Variants in KPNA5 observed in about 807,000 individuals in gnomAD.
KPNA5 encodes the protein importin subunit alpha-6.
KPNA5 carries 46 observed loss-of-function variants against 71.3 expected under a neutral mutation model. That is an observed-to-expected ratio of 0.65 (90% confidence interval 0.51 to 0.83). The LOEUF (loss-of-function observed/expected upper bound fraction) is 0.83, where lower values mean the gene tolerates loss of function less well. Among genes scored for constraint, KPNA5 ranks in the 40% least tolerant of loss-of-function variants. The pLI is 0.00. For synonymous variants in KPNA5, 207 were observed against 201.4 expected (o/e 1.03, Z -0.24); for missense variants, 547 against 628.3 (o/e 0.87, Z 1.38).
chr6:116,691,417 C>T (rs1777796435), intron 2 of KPNA5, among the ~76,000 whole-genome samples: 1 of 151,952 alleles, frequency 6.6e-6, no homozygotes, highest in Admixed American at 6.6e-5. Flanking sequence ...CCATGCTTGG[C>T]TTCTTATTTT....
intron 7 of KPNA5, among the ~76,000 whole-genome samples, chr6:116,705,636 A>G (rs1778411798): frequency 6.6e-6 from 1 of 152,164 alleles, no homozygotes; most frequent in Admixed American, 6.5e-5. Flanking sequence ...TTTTTAAAAA[A>G]GAAATTACCC....
rs1562430356 is a variant in KPNA5, at chr6:116,692,297, A to G, written c.245A>G (p.Glu82Gly). ...ATTTTTGTGTGTGTGTTTTAGGAAG[A>G]AGTTGTTACTACAGATATGGTTCAG... ...ISSTVPIPEEEVVTTDMVQMI... is the reference protein window; with the variant it reads ...ISSTVPIPEEGVVTTDMVQMI... Residue 82 changes from glutamate to glycine, a missense_variant, in exon 4 of 14, where the codon GAA becomes GGA. Glu to Gly is a moderately conservative substitution (Grantham distance 98). Transcript: ENST00000368564. 2.5e-6 allele frequency: 4 copies of G among 1,578,042 alleles called. No individual in the cohort carries two copies. The highest frequency in any genetic ancestry group is 2.6e-6 in the Non-Finnish European group (3 of 1,158,000).
chr6:116,711,536 A>ATGTG (rs1491586756), intron 7 of KPNA5, among the ~76,000 whole-genome samples: 5 of 105,952 alleles, frequency 4.7e-5, no homozygotes, highest in African/African-American at 1.4e-4. Context: ...TATTTTCTGC[A>ATGTG]TATGTGTGTG....
At chr6:116,731,768 C>T (rs935761186) in intron 13 of KPNA5, among the ~76,000 whole-genome samples, 11 of 151,734 alleles carry the variant, frequency 7.2e-5, no homozygotes, top group African/African-American at 2.7e-4. Flanking sequence ...TTGTTAATTA[C>T]TCTAGAAAGG....
chr6:116,716,550 A>G (rs1778895650), intron 8 of KPNA5, among the ~76,000 whole-genome samples: 1 of 152,222 alleles, frequency 6.6e-6, no homozygotes, highest in Admixed American at 6.5e-5. Context: ...CTGCAACCAC[A>G]TGTATCAAGG....
At chr6:116,725,250 A>T (rs1329010585) in intron 10 of KPNA5, among the ~76,000 whole-genome samples, 4 of 152,218 alleles carry the variant, frequency 2.6e-5, no homozygotes. Flanking sequence ...TTAATCTTGC[A>T]ATGGAATAAA....
intron 8 of KPNA5, among the ~76,000 whole-genome samples, chr6:116,719,343 C>T (rs1056418610): frequency 9.9e-5 from 15 of 151,932 alleles, no homozygotes; most frequent in African/African-American, 4.8e-5. Flanking sequence ...GAACAAATTT[C>T]GGAAGAAACT....
chr6:116,718,668 T>C lies in KPNA5; in HGVS notation c.756+2350T>C, dbSNP rs541854935. Among the ~76,000 whole-genome samples the C allele has an allele frequency of 1.1e-3, 165 of 152,322 alleles. 1 individual carries two copies. Among genetic ancestry groups the C allele is most frequent in the African/African-American group, 3.6e-3 (148 of 41,578 alleles). Reference sequence around the variant, plus strand: ...TGTGTTCCAAACTTATGAAATAATATCACATTTTGGGGCTTAAGACTTGTT... The same window carrying C: ...TGTGTTCCAAACTTATGAAATAATACCACATTTTGGGGCTTAAGACTTGTT... On this transcript the variant is annotated intron_variant, in intron 8 of 13. Coordinates refer to ENST00000368564, the MANE Select transcript of KPNA5 (RefSeq NM_001366306.2).
chr6:116,695,177 C>T (rs1052242218), intron 4 of KPNA5, among the ~76,000 whole-genome samples: 2 of 152,032 alleles, frequency 1.3e-5, no homozygotes, highest in African/African-American at 2.4e-5. Flanking sequence ...TCTCCTCCCA[C>T]GTTTGCCTGC....
At chr6:116,686,557 G>T (rs1777597334) in intron 1 of KPNA5, among the ~76,000 whole-genome samples, 2 of 152,236 alleles carry the variant, frequency 1.3e-5, no homozygotes, top group South Asian at 4.1e-4. Context: ...AGTTTAATTA[G>T]ATCCCATTTG....
chr6:116,725,693 A>AT, intron 10 of KPNA5, 58 bp from the exon 11 acceptor site: 2 of 1,408,058 alleles, frequency 1.4e-6, no homozygotes, highest in South Asian at 2.7e-5. Flanking sequence ...TCATTAGTAG[A>AT]TTTTCATATA....
Position 116,692,162 on chromosome 6 carries a change from C to T in KPNA5, c.240+6C>T. The T allele has an allele frequency of 6.4e-7, 1 of 1,571,242 alleles. No individual in the cohort carries two copies. Among genetic ancestry groups the T allele is most frequent in the Non-Finnish European group, 8.7e-7 (1 of 1,146,784 alleles). On this transcript the variant is annotated splice_donor_region_variant and intron_variant, in intron 3 of 13. Coordinates refer to ENST00000368564, the MANE Select transcript of KPNA5 (RefSeq NM_001366306.2). ...CCACTGTACCCATTCCAGAGGTATA[C>T]TTTACCAAAATATGTTTCAAATTAT...
chr6:116,716,364 A>G, intron 8 of KPNA5, 46 bp downstream of exon 8: 1 of 1,283,726 alleles, frequency 7.8e-7, no homozygotes, highest in Non-Finnish European at 1.1e-6. Context: ...CCATAAACCT[A>G]AGTTTCTATA....
rs1156651188 is a variant in KPNA5, at chr6:116,702,190, A to C, written c.567+40A>C. The C allele has an allele frequency of 2.5e-6, 4 of 1,583,256 alleles. No individual in the cohort carries two copies. In the African/African-American group the frequency reaches 4.1e-5, roughly 16 times the overall value. ...TGTATTGTTGTATGTACTAGAATTCAGTTTTCTCTTGAAAGTACCATTTGT... is the reference window on the plus strand; with the variant it reads ...TGTATTGTTGTATGTACTAGAATTCCGTTTTCTCTTGAAAGTACCATTTGT... On this transcript the variant is annotated intron_variant, in intron 6 of 13. Transcript: ENST00000368564.
Position 116,722,175 on chromosome 6 carries a change from C to T in KPNA5, c.806C>T (p.Pro269Leu). Residue 269 changes from proline to leucine, a missense_variant, in exon 9 of 14, where the codon CCA (proline) becomes CTA (leucine). Transcript: ENST00000368564. ...TCACGACTGTTGTTTAGCAGTGACC[C>T]AGATGTGTTAGCAGACGTGTGTTGG... The part of the protein sequence containing the change: ...VLSRLLFSSD[P>L]DVLADVCWAL... 3 of 1,612,278 alleles carry T rather than the reference C, an allele frequency of 1.9e-6. No homozygotes were observed. Among genetic ancestry groups the T allele is most frequent in the Non-Finnish European group, 1.7e-6 (2 of 1,178,896 alleles).
At position 116,732,397 on chromosome 6, in the gene KPNA5, A is replaced by G; in HGVS notation, c.*74A>G. ...ACTCCTCTTTGTTGCCAATGTAAGA[A>G]TGTTTGTTTTTTTACATAGAACAGT... On this transcript the variant is annotated 3_prime_UTR_variant, in exon 14 of 14. Coordinates refer to ENST00000368564, the MANE Select transcript of KPNA5 (RefSeq NM_001366306.2). 3.6e-6 allele frequency: 3 copies of G among 838,830 alleles called. No homozygotes were observed. Among genetic ancestry groups the G allele is most frequent in the Non-Finnish European group, 5.2e-6 (3 of 580,352 alleles). The allele number at this position is 838,830 out of a possible 1,614,324, so 52.0% of individuals were successfully genotyped here.
intron 6 of KPNA5, among the ~76,000 whole-genome samples, chr6:116,704,195 C>T (rs1213177066): frequency 1.3e-5 from 2 of 152,134 alleles, no homozygotes; most frequent in African/African-American, 4.8e-5. Context: ...CCTGCAATCA[C>T]ACCCAGCTAG....
chr6:116,700,903 G>A (rs1778206534), intron 5 of KPNA5, among the ~76,000 whole-genome samples: 1 of 152,086 alleles, frequency 6.6e-6, no homozygotes, highest in South Asian at 2.1e-4. Context: ...GGTTTTCACA[G>A]TTGTCACTTG....
chr6:116,725,813 A>G lies in KPNA5; in HGVS notation c.1062A>G (p.Ser354=). ...ATTTATTGAGTAGCCCAAAGGAGTC[A>G]ATTAGAAAAGAAGCCTGCTGGACTG... is the stretch of plus-strand genomic sequence containing the variant. ...LLHLLSSPKE[S]IRKEACWTVS... The change falls in exon 11 of 14, where the codon TCA becomes TCG. Residue 354 remains serine, a synonymous_variant. Coordinates refer to ENST00000368564, the MANE Select transcript of KPNA5 (RefSeq NM_001366306.2). 6.2e-7 allele frequency: 1 copy of G among 1,613,478 alleles called. No individual in the cohort carries two copies. The highest frequency in any genetic ancestry group is 8.5e-7 in the Non-Finnish European group (1 of 1,179,634).
Sources: allele counts gnomAD v4.1 joint callset (sites outside exome capture counted in the v4.1 genomes callset), GRCh38; gene constraint gnomAD v4.1.1; transcripts MANE v1.5; gene names NCBI Gene and HGNC (gene_info 2026-07-23, HGNC 2026-07-21).